Variants in ARL13B observed in about 807,000 individuals in gnomAD.
ARL13B encodes ARF like GTPase 13B, also known as ADP-ribosylation factor-like protein 13B.
ARL13B carries 36 observed loss-of-function variants against 56.1 expected under a neutral mutation model. The ratio of observed to expected loss-of-function variants is 0.64; its 90% CI spans 0.49 to 0.85. The LOEUF is 0.85. ARL13B is among the 40% of genes least tolerant of loss of function. The pLI is 0.00. For synonymous variants in ARL13B, 178 were observed against 171.1 expected (o/e 1.04, Z -0.32); for missense variants, 519 against 507.1 (o/e 1.02, Z -0.23).
chr3:93,982,369 A>G (rs1710262277), intron 1 of ARL13B, among the ~76,000 whole-genome samples: 1 of 152,262 alleles, frequency 6.6e-6, no homozygotes, highest in Admixed American at 6.5e-5. Context: ...ACAACGAGCT[A>G]CACGTGGCTG....
At chr3:94,022,933 T>A (rs1370892746) in intron 3 of ARL13B, among the ~76,000 whole-genome samples, 1 of 151,994 alleles carries the variant, frequency 6.6e-6, no homozygotes, top group Non-Finnish European at 1.5e-5. Context: ...GAACATATCC[T>A]CTTGACATAT....
chr3:94,041,207 A>G (rs1330998811), intron 6 of ARL13B, among the ~76,000 whole-genome samples: 1 of 152,052 alleles, frequency 6.6e-6, no homozygotes, highest in African/African-American at 2.4e-5. Context: ...ATGGTGAGAT[A>G]TTGGAAGGTA....
At chr3:93,996,879 C>T (rs918524207) in intron 2 of ARL13B, among the ~76,000 whole-genome samples, 14 of 152,138 alleles carry the variant, frequency 9.2e-5, no homozygotes, top group Admixed American at 2.6e-4. Flanking sequence ...GGCCAGTGAA[C>T]GAAGCTTCAT....
chr3:94,030,472 T>G (rs1376599985), intron 3 of ARL13B, among the ~76,000 whole-genome samples: 1 of 149,676 alleles, frequency 6.7e-6, no homozygotes, highest in African/African-American at 2.5e-5. Flanking sequence ...TGACAAATGA[T>G]CCACCCACAT....
chr3:94,007,647 G>A (rs1304787528), intron 3 of ARL13B, among the ~76,000 whole-genome samples: 1 of 152,012 alleles, frequency 6.6e-6, no homozygotes, highest in African/African-American at 2.4e-5. Flanking sequence ...ACAACAATAT[G>A]GGGGAAACTG....
intron 7 of ARL13B, among the ~76,000 whole-genome samples, chr3:94,044,182 C>T (rs1250460244): frequency 1.3e-5 from 2 of 151,716 alleles, no homozygotes; most frequent in Admixed American, 6.6e-5. Context: ...AGCGCCTCTG[C>T]CTGGCTGCCA....
At position 94,038,977 on chromosome 3, in the gene ARL13B, T is replaced by C. The variant is rs553047939; in HGVS notation, c.690-903T>C. Reference sequence around the variant, plus strand: ...TTTTTATAGCCACTGAACACTATTATGGAAGTTATTATCTAGTTCAAATAT... The same window carrying C: ...TTTTTATAGCCACTGAACACTATTACGGAAGTTATTATCTAGTTCAAATAT... On this transcript the variant is annotated intron_variant, in intron 5 of 9. Coordinates refer to ENST00000394222, the MANE Select transcript of ARL13B (RefSeq NM_001174150.2). 2.6e-5 allele frequency among the ~76,000 whole-genome samples: 4 copies of C among 152,322 alleles called. No individual in the cohort carries two copies. The East Asian group carries it at 7.7e-4, about 29-fold the overall frequency.
chr3:94,045,161 C>T (rs2076958891), intron 7 of ARL13B, among the ~76,000 whole-genome samples: 2 of 152,126 alleles, frequency 1.3e-5, no homozygotes, highest in Non-Finnish European at 2.9e-5. Flanking sequence ...ACCCTGTGCT[C>T]TCTGAAACGT....
At chr3:94,000,252 G>A (rs1424124110) in intron 2 of ARL13B, among the ~76,000 whole-genome samples, 1 of 152,102 alleles carries the variant, frequency 6.6e-6, no homozygotes, top group Non-Finnish European at 1.5e-5. Context: ...GTGGAAATTG[G>A]CAGATACCAT....
intron 3 of ARL13B, chr3:94,014,899 C>T: frequency 6.2e-7 from 1 of 1,613,428 alleles, no homozygotes; most frequent in Non-Finnish European, 8.5e-7. Flanking sequence ...TGAAGATGGA[C>T]CATTTTCAAC....
intron 3 of ARL13B, among the ~76,000 whole-genome samples, chr3:94,010,386 G>C (rs1422442425): frequency 6.6e-6 from 1 of 152,022 alleles, no homozygotes; most frequent in Non-Finnish European, 1.5e-5. Context: ...ATGTTTCAAA[G>C]TATTTCATCT....
chr3:94,025,056 T>C (rs997857396), intron 3 of ARL13B, among the ~76,000 whole-genome samples: 1 of 152,210 alleles, frequency 6.6e-6, no homozygotes, highest in African/African-American at 2.4e-5. Flanking sequence ...AGGTGCATTT[T>C]ACTGCCACTG....
rs542785208 is a variant in ARL13B, at chr3:94,006,110, G to A, written c.380+2202G>A. ...GGTCAGGAGGATCGAGACCATCCTG[G>A]CTAACATGGTGAAACTCTGTCTCTA... On this transcript the variant is annotated intron_variant, in intron 3 of 9. Coordinates refer to ENST00000394222, the MANE Select transcript of ARL13B (RefSeq NM_001174150.2). Among the ~76,000 whole-genome samples the A allele has an allele frequency of 9.1e-4, 138 of 152,180 alleles. 1 individual carries two copies. The highest frequency in any genetic ancestry group is 3.1e-3 in the African/African-American group (130 of 41,538).
intron 1 of ARL13B, among the ~76,000 whole-genome samples, chr3:93,986,966 C>T (rs1038708799): frequency 8.6e-5 from 13 of 151,330 alleles, no homozygotes; most frequent in African/African-American, 2.2e-4. Context: ...AATGAGACTC[C>T]GTCTCTAAAA....
At chr3:93,984,234 C>A (rs1277327273) in intron 1 of ARL13B, among the ~76,000 whole-genome samples, 1 of 151,782 alleles carries the variant, frequency 6.6e-6, no homozygotes, top group Non-Finnish European at 1.5e-5. Context: ...TGGGCACCTG[C>A]AATACCAGCT....
chr3:94,044,913 C>T (rs976303004), intron 7 of ARL13B, among the ~76,000 whole-genome samples: 6 of 152,126 alleles, frequency 3.9e-5, no homozygotes, highest in South Asian at 2.1e-4. Context: ...CTCTGCCCGC[C>T]GCCGCATCTG....
chr3:93,996,278 A>C (rs2075963660), intron 2 of ARL13B, among the ~76,000 whole-genome samples: 1 of 152,204 alleles, frequency 6.6e-6, no homozygotes. Flanking sequence ...TCTTCTACTT[A>C]CATTTTCCTG....
intron 3 of ARL13B, chr3:94,014,820 TATA>T (rs1324352401): frequency 6.2e-7 from 1 of 1,614,010 alleles, no homozygotes; most frequent in African/African-American, 1.3e-5. Context: ...TGTCATTGTA[TATA>T]AACATGATTT....
Position 94,034,020 on chromosome 3 carries a change from T to C in ARL13B, c.381-1311T>C, listed in dbSNP as rs1560001749. On this transcript the variant is annotated intron_variant, in intron 3 of 9. Transcript: ENST00000394222. Reference sequence around the variant, plus strand: ...GATTCAAAAAGAGTTAAGTGATAAGTAACGTATATTGGACCTGAATTTAAA... The same window carrying C: ...GATTCAAAAAGAGTTAAGTGATAAGCAACGTATATTGGACCTGAATTTAAA... 2.0e-5 allele frequency among the ~76,000 whole-genome samples: 3 copies of C among 152,130 alleles called. No homozygotes were observed. In the South Asian group the frequency reaches 6.2e-4, roughly 32 times the overall value.
Sources: gnomAD v4.1 joint callset for allele counts (sites outside exome capture counted in the v4.1 genomes callset) on GRCh38, gnomAD v4.1.1 for gene constraint, MANE v1.5 for transcripts, NCBI Gene and HGNC (gene_info 2026-07-23, HGNC 2026-07-21) for gene names.